Variants in ANK3 observed in about 807,000 individuals in gnomAD.
The protein encoded by ANK3 is ankyrin 3.
A neutral mutation model predicts 370.9 loss-of-function variants in ANK3; 57 were observed. The observed-to-expected ratio is 0.15, with a 90% CI of 0.12 to 0.19. The LOEUF is 0.19. ANK3 is among the 10% of genes least tolerant of loss of function. The pLI is 1.00. For synonymous variants in ANK3, 1,929 were observed against 1,946.3 expected, an observed-to-expected ratio of 0.99 and a Z score of 0.23; for missense variants, 4,439 against 5,302.1, an observed-to-expected ratio of 0.84 and a Z score of 5.06.
chr10:60,539,600 G>A (rs187600052), intron 2 of ANK3, among the ~76,000 whole-genome samples: 24 of 152,022 alleles, frequency 1.6e-4, no homozygotes, highest in Admixed American at 1.2e-3. Flanking sequence ...GAAGGTAGGC[G>A]TGCCCTGTTT....
chr10:60,399,727 A>G (rs923039706), intron 2 of ANK3, among the ~76,000 whole-genome samples: 3 of 152,196 alleles, frequency 2.0e-5, no homozygotes, highest in African/African-American at 7.2e-5. Flanking sequence ...ATCAGTAATC[A>G]GTATCTAGGT....
intron 2 of ANK3, among the ~76,000 whole-genome samples, chr10:60,607,280 A>C (rs1206276819): frequency 6.6e-6 from 1 of 152,100 alleles, no homozygotes; most frequent in Non-Finnish European, 1.5e-5. Flanking sequence ...AGATAACCAG[A>C]GCTCAAAGAG....
intron 17 of ANK3, among the ~76,000 whole-genome samples, chr10:60,184,615 T>C (rs897397279): frequency 2.0e-5 from 3 of 152,204 alleles, no homozygotes; most frequent in Non-Finnish European, 4.4e-5. Context: ...TGGTTTGCTA[T>C]ATGTCTTTGA....
chr10:60,699,642 T>C (rs1022860569), intron 1 of ANK3, among the ~76,000 whole-genome samples: 1 of 151,970 alleles, frequency 6.6e-6, no homozygotes, highest in Non-Finnish European at 1.5e-5. Flanking sequence ...TTAAAATTAG[T>C]ATAAAAATAT....
intron 7 of ANK3, among the ~76,000 whole-genome samples, chr10:60,244,461 A>T (rs187408545): frequency 1.3e-4 from 20 of 152,352 alleles, no homozygotes; most frequent in East Asian, 3.9e-4. Flanking sequence ...AAAAGTTGAG[A>T]TGGAATCCAG....
intron 1 of ANK3, among the ~76,000 whole-genome samples, chr10:60,291,367 T>C (rs1243672820): frequency 1.3e-5 from 2 of 152,204 alleles, no homozygotes; most frequent in African/African-American, 2.4e-5. Context: ...CACCAGGCTA[T>C]GGCCAACTAT....
At chr10:60,153,577 T>C (rs1472068688) in intron 23 of ANK3, among the ~76,000 whole-genome samples, 1 of 152,172 alleles carries the variant, frequency 6.6e-6, no homozygotes, top group African/African-American at 2.4e-5. Context: ...TTTAGGTATC[T>C]TAAGGTGACT....
chr10:60,162,416 T>TA (rs1471842083), intron 23 of ANK3, among the ~76,000 whole-genome samples: 3 of 152,180 alleles, frequency 2.0e-5, no homozygotes, highest in African/African-American at 7.2e-5. Flanking sequence ...TGGGCTTTCC[T>TA]ACCTCATCAG....
intron 2 of ANK3, among the ~76,000 whole-genome samples, chr10:60,594,661 T>C (rs10761526): frequency 0.69 from 104,751 of 152,048 alleles, 36,555 homozygotes; most frequent in South Asian, 0.88. Context: ...AAGTAAAATG[T>C]AGACACAGCA....
chr10:60,291,283 T>C (rs1010690587), intron 1 of ANK3, among the ~76,000 whole-genome samples: 1 of 152,114 alleles, frequency 6.6e-6, no homozygotes, highest in Non-Finnish European at 1.5e-5. Context: ...GGATATAAAA[T>C]CATAGGTATC....
At chr10:60,149,167 A>G (rs540186937) in intron 23 of ANK3, among the ~76,000 whole-genome samples, 1 of 152,326 alleles carries the variant, frequency 6.6e-6, no homozygotes, top group East Asian at 1.9e-4. Context: ...ACACAAGGCA[A>G]AGACACATGA....
chr10:60,535,986 G>A (rs534183154), intron 2 of ANK3, among the ~76,000 whole-genome samples: 1 of 151,746 alleles, frequency 6.6e-6, no homozygotes, highest in Non-Finnish European at 1.5e-5. Flanking sequence ...TTAAATTCAA[G>A]ATTTCGATAA....
chr10:60,448,298 C>T (rs2064505053), intron 2 of ANK3, among the ~76,000 whole-genome samples: 1 of 152,160 alleles, frequency 6.6e-6, no homozygotes, highest in Non-Finnish European at 1.5e-5. Context: ...TTATATGAAA[C>T]TACATCACTC....
At position 60,557,198 on chromosome 10, in the gene ANK3, T is replaced by C. The variant is rs547007198; in HGVS notation, c.96+57988A>G. Among the ~76,000 whole-genome samples the C allele has an allele frequency of 2.6e-5, 4 of 152,298 alleles. No homozygotes were observed. In the East Asian group the frequency reaches 7.7e-4, roughly 29 times the overall value. On this transcript the variant is annotated intron_variant, in intron 2 of 43. Transcript: ENST00000373827. Reference sequence around the variant, plus strand: ...TTGAAACAAAAACTTATACAGGATGTTTGTTGAAACTTTATTGACAATAGG... The same window carrying C: ...TTGAAACAAAAACTTATACAGGATGCTTGTTGAAACTTTATTGACAATAGG...
At chr10:60,584,652 C>A (rs2077805809) in intron 2 of ANK3, among the ~76,000 whole-genome samples, 2 of 152,074 alleles carry the variant, frequency 1.3e-5, no homozygotes. Flanking sequence ...AAATGAAGAG[C>A]ATCAAAGTGT....
At chr10:60,351,951 A>G (rs1305427695) in intron 1 of ANK3, among the ~76,000 whole-genome samples, 3 of 152,232 alleles carry the variant, frequency 2.0e-5, no homozygotes, top group East Asian at 3.8e-4. Flanking sequence ...CTATAAAAGT[A>G]TAAGTGCACA....
intron 43 of ANK3, among the ~76,000 whole-genome samples, chr10:60,040,288 TTC>T (rs1450406718): frequency 6.6e-6 from 1 of 152,080 alleles, no homozygotes; most frequent in Non-Finnish European, 1.5e-5. Flanking sequence ...TTGCTTAGTT[TTC>T]TTTTTTTTTT....
In ANK3 at chr10:60,483,626, T is replaced by C. The variant is rs551173242; in HGVS notation, c.96+131560A>G. On this transcript the variant is annotated intron_variant, in intron 2 of 43. Transcript: ENST00000373827. The stretch of plus-strand genomic sequence containing the variant: ...TCTTTGATTTTATATCAATGTGTAA[T>C]AGCAATTTTAAAATGACACAGAGCA... Among the ~76,000 whole-genome samples the C allele has an allele frequency of 1.2e-4, 18 of 152,294 alleles. No individual in the cohort carries two copies. In the South Asian group the frequency reaches 2.7e-3, roughly 23 times the overall value.
intron 1 of ANK3, among the ~76,000 whole-genome samples, chr10:60,619,084 C>T (rs2078301699): frequency 1.3e-5 from 2 of 152,040 alleles, no homozygotes; most frequent in South Asian, 4.1e-4. Flanking sequence ...TCCTTCACCC[C>T]CAGGCTTTCT....
Sources: allele counts gnomAD v4.1 joint callset (sites outside exome capture counted in the v4.1 genomes callset), GRCh38; gene constraint gnomAD v4.1.1; transcripts MANE v1.5; gene names NCBI Gene and HGNC (gene_info 2026-07-23, HGNC 2026-07-21).